Variants in UNC13B observed in about 807,000 individuals in gnomAD.
UNC13B encodes unc-13 homolog B.
UNC13B carries 144 observed loss-of-function variants against 211.0 expected under a neutral mutation model. That is an observed-to-expected ratio of 0.68 (90% CI 0.60 to 0.78). The LOEUF (loss-of-function observed/expected upper bound fraction) is 0.78, where lower values mean the gene tolerates loss of function less well. Among genes scored for constraint, UNC13B ranks in the 30% least tolerant of loss-of-function variants. The probability of loss-of-function intolerance (pLI) is 0.00; values close to 1 mark genes in which losing one functional copy is unlikely to be tolerated. For missense variants in UNC13B, 1,777 were observed against 2,002.0 expected (o/e 0.89, Z 2.14); for synonymous variants, 709 against 725.8 (o/e 0.98, Z 0.37).
At chr9:35,210,175 A>T (rs996908724) in intron 1 of UNC13B, among the ~76,000 whole-genome samples, 3 of 152,170 alleles carry the variant, frequency 2.0e-5, no homozygotes, top group Non-Finnish European at 4.4e-5. Flanking sequence ...ACCTTATTCC[A>T]TATTTTGAGC....
At chr9:35,289,874 G>A (rs930840179) in intron 7 of UNC13B, among the ~76,000 whole-genome samples, 1 of 152,172 alleles carries the variant, frequency 6.6e-6, no homozygotes, top group African/African-American at 2.4e-5. Context: ...CTTCTTGGGA[G>A]CCTGAGGCAT....
chr9:35,280,388 C>T (rs1300728426), intron 7 of UNC13B, among the ~76,000 whole-genome samples: 9 of 152,202 alleles, frequency 5.9e-5, no homozygotes, highest in African/African-American at 2.2e-4. Context: ...CTGGCTGGAA[C>T]ATTCTTTTTC....
chr9:35,185,508 C>G (rs958803900), intron 1 of UNC13B, among the ~76,000 whole-genome samples: 2 of 152,168 alleles, frequency 1.3e-5, no homozygotes, highest in Non-Finnish European at 2.9e-5. Context: ...AAGAGAATCC[C>G]CCTGATTTAT....
chr9:35,170,030 A>G (rs941787564), intron 1 of UNC13B, among the ~76,000 whole-genome samples: 2 of 152,250 alleles, frequency 1.3e-5, no homozygotes, highest in Non-Finnish European at 2.9e-5. Flanking sequence ...GTGTTCTTAT[A>G]TAAACTCAAA....
intron 1 of UNC13B, among the ~76,000 whole-genome samples, chr9:35,202,983 G>A (rs1315516793): frequency 4.6e-5 from 7 of 151,860 alleles, no homozygotes; most frequent in South Asian, 2.1e-4. Flanking sequence ...TAGTAGAGAC[G>A]GGTTTTCACC....
At chr9:35,294,971 G>A (rs1829279795) in intron 7 of UNC13B, among the ~76,000 whole-genome samples, 1 of 152,228 alleles carries the variant, frequency 6.6e-6, no homozygotes, top group East Asian at 1.9e-4. Context: ...TGCATTGTCA[G>A]CAAGATCCCA....
At chr9:35,376,337 A>T in intron 15 of UNC13B, 90 bp downstream of exon 15, 1 of 1,305,470 alleles carries the variant, frequency 7.7e-7, no homozygotes, top group South Asian at 1.3e-5. Flanking sequence ...GGCTGAACCA[A>T]TCATTCCCCC....
chr9:35,169,111 G>A (rs1413478201), intron 1 of UNC13B, among the ~76,000 whole-genome samples: 1 of 152,208 alleles, frequency 6.6e-6, no homozygotes, highest in African/African-American at 2.4e-5. Context: ...AGTACTTTGG[G>A]AGGCTGAGGC....
chr9:35,299,817 T>C (rs950444070), intron 8 of UNC13B, among the ~76,000 whole-genome samples: 5 of 152,200 alleles, frequency 3.3e-5, no homozygotes, highest in Non-Finnish European at 5.9e-5. Context: ...TGTCTCTTCC[T>C]TTTTCTTTGC....
At chr9:35,188,653 C>T (rs1822491450) in intron 1 of UNC13B, among the ~76,000 whole-genome samples, 1 of 152,084 alleles carries the variant, frequency 6.6e-6, no homozygotes, top group South Asian at 2.1e-4. Context: ...TTTTGGGACA[C>T]CTGTTAAATG....
chr9:35,350,963 C>T (rs7467018), intron 11 of UNC13B, among the ~76,000 whole-genome samples: 11,887 of 152,294 alleles, frequency 0.078, 1,583 homozygotes, highest in African/African-American at 0.27. Context: ...GAGCCAGACT[C>T]CTAGTACTGA....
At chr9:35,376,276 G>T (rs369693180) in intron 15 of UNC13B, 29 bp downstream of exon 15, 10 of 1,606,102 alleles carry the variant, frequency 6.2e-6, no homozygotes, top group Non-Finnish European at 8.5e-6. Context: ...GAGGGGCGGG[G>T]AGTGGGGCAG....
intron 7 of UNC13B, among the ~76,000 whole-genome samples, chr9:35,279,353 A>G (rs1828355815): frequency 6.6e-6 from 1 of 152,246 alleles, no homozygotes; most frequent in Non-Finnish European, 1.5e-5. Context: ...TGCATTCACC[A>G]TTGTGGCATG....
rs536298818 is a variant in UNC13B, at chr9:35,245,570, A to G, written c.468+2206A>G. ...TGTGTCCAAGTGTTCTCATTGTTCA[A>G]TTCCCACCTGTGAGTGAGAACATGC... On this transcript the variant is annotated intron_variant, in intron 6 of 39. Transcript: ENST00000635942. Among the ~76,000 whole-genome samples, 6 of 137,722 alleles carry G rather than the reference A, an allele frequency of 4.4e-5. No homozygotes were observed. In the South Asian group the frequency reaches 1.1e-3, roughly 26 times the overall value. The allele number at this position is 137,722 out of a possible 152,430, so 90.4% of individuals were successfully genotyped here.
At chr9:35,227,978 A>G (rs759345502) in intron 1 of UNC13B, 37 bp from the exon 2 acceptor site, 5 of 1,603,276 alleles carry the variant, frequency 3.1e-6, no homozygotes, top group Non-Finnish European at 4.3e-6. Context: ...ATGAACTTGG[A>G]AACATTCTTC....
rs1829682290 is a variant in UNC13B, at chr9:35,301,515, G to A, written c.2111G>A (p.Ser704Asn). 2 of 398,730 alleles carry A rather than the reference G, an allele frequency of 5.0e-6. No homozygotes were observed. The highest frequency in any genetic ancestry group is 4.1e-5 in the African/African-American group (2 of 48,616). The allele number at this position is 398,730 out of a possible 1,614,324, so 24.7% of individuals were successfully genotyped here. The change falls in exon 9 of 40, where the codon AGT becomes AAT. Residue 704 changes from serine (S) to asparagine (N), a missense_variant. Physicochemically the swap from Ser to Asn is conservative, Grantham distance 46. Coordinates refer to ENST00000635942, the MANE Select transcript of UNC13B (RefSeq NM_001371189.2). ...GAAGGCACTCTTGACAATTACAGTA[G>A]TAGCATCATTGCTTTAAATGGGAGT... is the stretch of plus-strand genomic sequence containing the variant. The part of the protein sequence containing the change: ...KREGTLDNYS[S>N]SIIALNGSDE...
At chr9:35,398,775 C>T in intron 32 of UNC13B, 107 bp from the exon 33 acceptor site, 1 of 1,565,476 alleles carries the variant, frequency 6.4e-7, no homozygotes, top group Non-Finnish European at 8.7e-7. Flanking sequence ...ACTGTCCCTG[C>T]TGGAAATGCA....
intron 5 of UNC13B, among the ~76,000 whole-genome samples, chr9:35,241,592 CACA>C (rs754578854): frequency 7.1e-6 from 1 of 141,082 alleles, no homozygotes; most frequent in South Asian, 2.2e-4. Context: ...CACACACACA[CACA>C]CCACCATCTT....
intron 13 of UNC13B, among the ~76,000 whole-genome samples, chr9:35,374,303 C>T (rs1445117423): frequency 1.8e-5 from 2 of 111,260 alleles, no homozygotes; most frequent in Non-Finnish European, 3.4e-5. Flanking sequence ...GTGTGGCTAG[C>T]AAGGCAGCCC....
Sources: allele counts gnomAD v4.1 joint callset (sites outside exome capture counted in the v4.1 genomes callset), GRCh38; gene constraint gnomAD v4.1.1; transcripts MANE v1.5; gene names NCBI Gene and HGNC (gene_info 2026-07-23, HGNC 2026-07-21).